The following CHRM3 variants were observed in gnomAD, a reference collection of about 807,000 sequenced individuals.
CHRM3 encodes muscarinic acetylcholine receptor M3.
CHRM3 carries 11 observed loss-of-function variants against 41.8 expected under a neutral mutation model. The ratio of observed to expected loss-of-function variants is 0.26; its 90% CI spans 0.17 to 0.44. CHRM3 has a LOEUF of 0.44. Among genes scored for constraint, CHRM3 ranks in the 20% least tolerant of loss-of-function variants. The probability of loss-of-function intolerance (pLI) is 1.00; values close to 1 mark genes in which losing one functional copy is unlikely to be tolerated. For missense variants in CHRM3, 571 were observed against 745.4 expected (o/e 0.77, Z 2.72); for synonymous variants, 297 against 301.4 (o/e 0.99, Z 0.15).
chr1:239,594,654 A>AT (rs2148656718), intron 3 of CHRM3, among the ~76,000 whole-genome samples: 1 of 152,300 alleles, frequency 6.6e-6, no homozygotes, highest in East Asian at 1.9e-4. Context: ...TCACTATTTC[A>AT]TTTTTAATAG....
chr1:239,876,429 G>A (rs895298759), intron 6 of CHRM3, among the ~76,000 whole-genome samples: 2 of 152,202 alleles, frequency 1.3e-5, no homozygotes, highest in Admixed American at 1.3e-4. Flanking sequence ...AGGGCAAGAA[G>A]AGAGCCAGGC....
At chr1:239,768,245 C>T (rs561595477) in intron 5 of CHRM3, among the ~76,000 whole-genome samples, 2 of 152,252 alleles carry the variant, frequency 1.3e-5, no homozygotes, top group East Asian at 3.9e-4. Context: ...TCTCCTAAAG[C>T]ATATCTTAGG....
At chr1:239,825,289 C>G (rs116634792) in intron 5 of CHRM3, among the ~76,000 whole-genome samples, 5 of 152,170 alleles carry the variant, frequency 3.3e-5, no homozygotes. Flanking sequence ...ATGCCTGCTC[C>G]GCCCTCTACA....
At chr1:239,884,206 A>G (rs185403814) in intron 6 of CHRM3, among the ~76,000 whole-genome samples, 130 of 152,370 alleles carry the variant, frequency 8.5e-4, no homozygotes, top group Middle Eastern at 6.8e-3. Context: ...AAGGAGCTTG[A>G]GAGGAAGAGA....
chr1:239,424,678 T>C (rs1268257903), intron 1 of CHRM3, among the ~76,000 whole-genome samples: 2 of 152,152 alleles, frequency 1.3e-5, no homozygotes, highest in African/African-American at 4.8e-5. Flanking sequence ...ACAGAATATA[T>C]GTGAAATTAG....
At chr1:239,803,729 G>A (rs983100200) in intron 5 of CHRM3, among the ~76,000 whole-genome samples, 2 of 152,164 alleles carry the variant, frequency 1.3e-5, no homozygotes, top group Admixed American at 6.5e-5. Context: ...AAGGCAGGGG[G>A]TAGGTGATCA....
chr1:239,537,231 A>G (rs1658291372), intron 2 of CHRM3, among the ~76,000 whole-genome samples: 1 of 152,168 alleles, frequency 6.6e-6, no homozygotes, highest in Non-Finnish European at 1.5e-5. Context: ...TTGCATTGCT[A>G]TACAGAAATA....
chr1:239,705,642 G>C (rs1435206541), intron 5 of CHRM3: 2 of 152,020 alleles, frequency 1.3e-5, no homozygotes, highest in African/African-American at 2.4e-5. Context: ...TTGGATTAAG[G>C]CCACTCTAAT....
chr1:239,423,230 T>C (rs555355199), intron 1 of CHRM3, among the ~76,000 whole-genome samples: 1 of 152,344 alleles, frequency 6.6e-6, no homozygotes, highest in South Asian at 2.1e-4. Flanking sequence ...AGAACATGCA[T>C]TAAAAAATAT....
intron 3 of CHRM3, among the ~76,000 whole-genome samples, chr1:239,618,599 C>G (rs555643637): frequency 6.6e-6 from 1 of 151,802 alleles, no homozygotes. Context: ...AATCCCAGCA[C>G]TTTGGGAGGC....
At chr1:239,810,460 G>C (rs1438067861) in intron 5 of CHRM3, among the ~76,000 whole-genome samples, 4 of 152,194 alleles carry the variant, frequency 2.6e-5, no homozygotes, top group Admixed American at 1.3e-4. Flanking sequence ...CCTGCTGTGA[G>C]ATCAAAGAAA....
At chr1:239,819,541 G>A (rs1410350752) in intron 5 of CHRM3, among the ~76,000 whole-genome samples, 1 of 152,078 alleles carries the variant, frequency 6.6e-6, no homozygotes, top group Non-Finnish European at 1.5e-5. Context: ...AAGCAATCGG[G>A]GAAATTTGAT....
At chr1:239,848,610 G>A (rs12094343) in intron 6 of CHRM3, among the ~76,000 whole-genome samples, 4,763 of 152,134 alleles carry the variant, frequency 0.031, 255 homozygotes, top group African/African-American at 0.11. Flanking sequence ...TAACTTGCTT[G>A]ATGTTCACAC....
chr1:239,593,705 G>C (rs16838530), intron 3 of CHRM3, among the ~76,000 whole-genome samples: 325 of 152,274 alleles, frequency 2.1e-3, no homozygotes, highest in African/African-American at 7.6e-3. Context: ...CACTGATAGA[G>C]ATCTTCATTC....
chr1:239,450,064 G>T (rs530417953), intron 1 of CHRM3, among the ~76,000 whole-genome samples: 1 of 152,154 alleles, frequency 6.6e-6, no homozygotes, highest in Non-Finnish European at 1.5e-5. Context: ...CGTTTTGCAC[G>T]TTGTTGCCTT....
At chr1:239,529,629 AAAC>A (rs1670241421) in intron 2 of CHRM3, among the ~76,000 whole-genome samples, 11 of 44,864 alleles carry the variant, frequency 2.5e-4, no homozygotes, top group Admixed American at 5.6e-4. Flanking sequence ...AAAAAAAAAA[AAAC>A]AAACAAACAA....
At chr1:239,561,358 G>T (rs976722810) in intron 3 of CHRM3, among the ~76,000 whole-genome samples, 1 of 152,028 alleles carries the variant, frequency 6.6e-6, no homozygotes. Flanking sequence ...CCTTCATCTC[G>T]TCTCACCTTC....
chr1:239,434,736 T>A (rs1164318462), intron 1 of CHRM3, among the ~76,000 whole-genome samples: 1 of 152,116 alleles, frequency 6.6e-6, no homozygotes, highest in African/African-American at 2.4e-5. Context: ...TATGCTAGCA[T>A]AATTGCTTGG....
At chr1:239,552,439 AGAT>A (rs1337905098) in intron 3 of CHRM3, among the ~76,000 whole-genome samples, 1 of 147,408 alleles carries the variant, frequency 6.8e-6, no homozygotes, top group Non-Finnish European at 1.5e-5. Flanking sequence ...ATATATGTAT[AGAT>A]GATATGTATC....
Sources: gnomAD v4.1 joint callset for allele counts (sites outside exome capture counted in the v4.1 genomes callset) on GRCh38, gnomAD v4.1.1 for gene constraint, MANE v1.5 for transcripts, NCBI Gene and HGNC (gene_info 2026-07-23, HGNC 2026-07-21) for gene names.